The following LATS2 variants were observed in gnomAD, a reference collection of about 807,000 sequenced individuals.
LATS2 encodes large tumor suppressor kinase 2.
LATS2 carries 24 observed loss-of-function variants against 76.0 expected under a neutral mutation model. That is an observed-to-expected ratio of 0.32 (90% CI 0.23 to 0.44). The LOEUF (loss-of-function observed/expected upper bound fraction) is 0.44. Among genes scored for constraint, LATS2 ranks in the 20% least tolerant of loss-of-function variants. The pLI, the probability that LATS2 is intolerant of heterozygous loss-of-function variation, is 1.00. For synonymous variants in LATS2, 692 were observed against 635.4 expected (o/e 1.09, Z -1.34); for missense variants, 1,286 against 1,481.2 (o/e 0.87, Z 2.16).
intron 2 of LATS2, among the ~76,000 whole-genome samples, chr13:21,021,533 C>T (rs1171237332): frequency 2.2e-5 from 3 of 138,644 alleles, no homozygotes; most frequent in Non-Finnish European, 4.7e-5. Context: ...CTGATATGCA[C>T]GTTTAAGTTT....
chr13:20,974,810 G>GCACC lies in LATS2; in HGVS notation c.*56_*59dup. On this transcript the variant is annotated 3_prime_UTR_variant, in exon 8 of 8. Coordinates refer to ENST00000382592, the MANE Select transcript of LATS2 (RefSeq NM_014572.3). The stretch of plus-strand genomic sequence containing the variant: ...TCGGCTTCCCTATTGGCCTGTGAGG[G>GCACC]CACCGGCTCCGGGACCCTGACCTGG... 1 of 1,531,380 alleles carries GCACC rather than the reference G, an allele frequency of 6.5e-7. No individual in the cohort carries two copies. Among genetic ancestry groups the GCACC allele is most frequent in the Non-Finnish European group, 8.8e-7 (1 of 1,140,670 alleles). The allele number at this position is 1,531,380 out of a possible 1,614,324, so 94.9% of individuals were successfully genotyped here.
At chr13:21,047,986 T>C (rs1177073523) in intron 1 of LATS2, among the ~76,000 whole-genome samples, 2 of 152,164 alleles carry the variant, frequency 1.3e-5, no homozygotes, top group Admixed American at 6.5e-5. Flanking sequence ...CAATATAATA[T>C]AGTAAAGTCA....
intron 1 of LATS2, among the ~76,000 whole-genome samples, chr13:21,047,824 G>A (rs1363323205): frequency 1.3e-5 from 2 of 152,132 alleles, no homozygotes; most frequent in Non-Finnish European, 2.9e-5. Flanking sequence ...ACTAAGAGAT[G>A]ACATTTGAAT....
intron 2 of LATS2, 50 bp downstream of exon 2, chr13:21,045,635 G>A (rs1411189581): frequency 1.4e-6 from 2 of 1,444,056 alleles, no homozygotes; most frequent in Admixed American, 3.8e-5. Context: ...GACTGCCCCA[G>A]CTGTCCCATA....
Position 20,983,727 on chromosome 13 carries a change from C to T in LATS2, c.1979G>A (p.Arg660Lys), listed in dbSNP as rs2138275955. 2 of 1,614,172 alleles carry T rather than the reference C, an allele frequency of 1.2e-6. No individual in the cohort carries two copies. Among genetic ancestry groups the T allele is most frequent in the Non-Finnish European group, 1.7e-6 (2 of 1,180,024 alleles). The change falls in exon 5 of 8, where the codon AGG becomes AAG. Residue 660 changes from arginine to lysine, a missense_variant. Around this residue, in one of 5 missense-constraint regions of LATS2, gnomAD observed 247 missense variants for 385.4 expected, o/e 0.64. Coordinates refer to ENST00000382592, the MANE Select transcript of LATS2 (RefSeq NM_014572.3). ...QKESNYNRLK[R>K]AKMDKSMFVK... Reference sequence around the variant, plus strand: ...AAACATAGACTTGTCCATCTTGGCCCTCTTTAACCTGTTGTAATTAGACTC... The same window carrying T: ...AAACATAGACTTGTCCATCTTGGCCTTCTTTAACCTGTTGTAATTAGACTC...
At position 20,991,531 on chromosome 13, in the gene LATS2, T is replaced by A; in HGVS notation, c.343-127A>T. 1 of 1,055,442 alleles carries A rather than the reference T, an allele frequency of 9.5e-7. No homozygotes were observed. The highest frequency in any genetic ancestry group is 1.4e-6 in the Non-Finnish European group (1 of 726,376). The allele number at this position is 1,055,442 out of a possible 1,614,324, so 65.4% of individuals were successfully genotyped here. A position where few individuals can be genotyped will look rare whatever the true frequency, so the allele number is the denominator to read the frequency against. On this transcript the variant is annotated intron_variant, in intron 2 of 7. Transcript: ENST00000382592. The surrounding 1 kb of genome is among the most constrained non-coding windows in gnomAD (Gnocchi z 4.9). ...CCTCTGTACTGCTGAGAACCTGCGA[T>A]ATGCTGCAGGAGACCCTCAGAATGA...
intron 2 of LATS2, among the ~76,000 whole-genome samples, chr13:21,011,325 C>A (rs961280556): frequency 6.6e-6 from 1 of 152,216 alleles, no homozygotes; most frequent in African/African-American, 2.4e-5. Context: ...CCCCTCCACC[C>A]AATCCACAGG....
chr13:20,988,948 T>C lies in LATS2; in HGVS notation c.832A>G (p.Lys278Glu). 6.5e-7 allele frequency: 1 copy of C among 1,533,950 alleles called. No individual in the cohort carries two copies. The highest frequency in any genetic ancestry group is 1.4e-5 in the African/African-American group (1 of 73,080). The change falls in exon 4 of 8, where the codon AAG becomes GAG. Residue 278 changes from lysine (K) to glutamate (E), a missense_variant. By Grantham distance (56) the Lys-to-Glu change is moderately conservative (BLOSUM62 1). This residue lies in a region of LATS2 where 710 missense variants were observed against 660.9 expected (regional missense o/e 1.07). Coordinates refer to ENST00000382592, the MANE Select transcript of LATS2 (RefSeq NM_014572.3). ...TAACCCCCGGTCTCCGGCGGCGTCT[T>C]GCTCTGGAAGGAGGGGCTGCGCTGC... ...GVQRSPSFQSKTPPETGGYAS... is the reference protein window; with the variant it reads ...GVQRSPSFQSETPPETGGYAS...
In LATS2 at chr13:20,974,849, G is replaced by C; in HGVS notation, c.*21C>G. ...ACCCTGACCTGGGAGGCAGCGAGTGGTGGGGGTGCCTGGCCCCCATCTACA... is the reference window on the plus strand; with the variant it reads ...ACCCTGACCTGGGAGGCAGCGAGTGCTGGGGGTGCCTGGCCCCCATCTACA... On this transcript the variant is annotated 3_prime_UTR_variant, in exon 8 of 8. Transcript: ENST00000382592. 1 of 1,585,488 alleles carries C rather than the reference G, an allele frequency of 6.3e-7. No homozygotes were observed. The highest frequency in any genetic ancestry group is 8.6e-7 in the Non-Finnish European group (1 of 1,165,188).
intron 5 of LATS2, among the ~76,000 whole-genome samples, chr13:20,982,275 A>G (rs545058056): frequency 1.3e-5 from 2 of 152,336 alleles, no homozygotes; most frequent in East Asian, 1.9e-4. Flanking sequence ...CAGGTTGGCT[A>G]TAAGAGAGGG....
chr13:21,056,151 G>C (rs1048985488), intron 1 of LATS2, among the ~76,000 whole-genome samples: 5 of 150,978 alleles, frequency 3.3e-5, no homozygotes, highest in East Asian at 1.9e-4. Flanking sequence ...TTTTTTGGTG[G>C]GGGGGGCAGG....
chr13:20,983,171 G>C (rs567587255), intron 5 of LATS2, 53 bp downstream of exon 5: 1 of 1,252,564 alleles, frequency 8.0e-7, no homozygotes, highest in South Asian at 1.3e-5. Context: ...GCTTGCAATG[G>C]GGTTAGTGAC....
chr13:21,041,606 A>C (rs1872885020), intron 2 of LATS2, among the ~76,000 whole-genome samples: 1 of 152,174 alleles, frequency 6.6e-6, no homozygotes, highest in Non-Finnish European at 1.5e-5. Flanking sequence ...TCAGCAGATC[A>C]GAGGGAGGGT....
At chr13:21,039,361 C>A (rs1193641365) in intron 2 of LATS2, among the ~76,000 whole-genome samples, 2 of 152,146 alleles carry the variant, frequency 1.3e-5, no homozygotes, top group Non-Finnish European at 2.9e-5. Context: ...TTCCTTTTAT[C>A]TTTTTCATTA....
chr13:20,988,748 CG>C lies in LATS2; in HGVS notation c.1031del (p.Pro344ArgfsTer89). 1 of 1,576,286 alleles carries C rather than the reference CG, an allele frequency of 6.3e-7. No individual in the cohort carries two copies. On this transcript the variant is annotated frameshift_variant, in exon 4 of 8. Transcript: ENST00000382592. LOFTEE classifies it high-confidence loss of function. ...TCCGCGAGGGAGTGAGCAGGCTCTG[CG>C]GGGGGCTGTCGCTGGCGAACACCTG... ...RSQVFASDSP[P>X]QSLLTPSRNS...
At chr13:21,040,960 T>A (rs942183404) in intron 2 of LATS2, among the ~76,000 whole-genome samples, 1 of 151,918 alleles carries the variant, frequency 6.6e-6, no homozygotes, top group Non-Finnish European at 1.5e-5. Flanking sequence ...TACTTCCCCC[T>A]TGAGGCATGT....
chr13:21,008,003 C>T (rs1036509539), intron 2 of LATS2, among the ~76,000 whole-genome samples: 1 of 151,494 alleles, frequency 6.6e-6, no homozygotes, highest in Non-Finnish European at 1.5e-5. Flanking sequence ...AAGTGATCCA[C>T]CGACCTCAGC....
chr13:20,979,381 T>A (rs1394201402), intron 7 of LATS2, among the ~76,000 whole-genome samples: 1 of 152,072 alleles, frequency 6.6e-6, no homozygotes, highest in African/African-American at 2.4e-5. Context: ...GGGGAGACAG[T>A]GGATCAGCAG....
At chr13:21,002,209 G>T (rs1405233478) in intron 2 of LATS2, among the ~76,000 whole-genome samples, 1 of 151,896 alleles carries the variant, frequency 6.6e-6, no homozygotes, top group Non-Finnish European at 1.5e-5. Context: ...CACTGCGCCC[G>T]GCCAAAAAGC....
Sources: allele counts gnomAD v4.1 joint callset (sites outside exome capture counted in the v4.1 genomes callset), GRCh38; gene constraint gnomAD v4.1.1; regional missense constraint gnomAD v4.1.1; non-coding constraint Gnocchi (gnomAD v3.1); transcripts MANE v1.5; gene names NCBI Gene and HGNC (gene_info 2026-07-23, HGNC 2026-07-21).